The following FERRY3 variants were observed in gnomAD, a reference collection of about 807,000 sequenced individuals.
FERRY3 encodes protein C12orf4.
the FERRY3 span, among the ~76,000 whole-genome samples, chr12:4,537,453 C>A: frequency 6.6e-6 from 1 of 151,984 alleles, no homozygotes; most frequent in Non-Finnish European, 1.5e-5. Flanking sequence ...CAGGATGTTG[C>A]GAATGGCAAG....
the FERRY3 span, among the ~76,000 whole-genome samples, chr12:4,513,782 A>G: frequency 6.6e-6 from 1 of 152,208 alleles, no homozygotes. Context: ...ACCTAAAACC[A>G]TAAAAACCCT....
chr12:4,525,264 T>A, the FERRY3 span: 1 of 1,613,322 alleles, frequency 6.2e-7, no homozygotes, highest in Non-Finnish European at 8.5e-7. Context: ...CTAAGGGAGC[T>A]GTTGTTGGGG....
At chr12:4,520,727 T>C in the FERRY3 span, among the ~76,000 whole-genome samples, 1 of 152,182 alleles carries the variant, frequency 6.6e-6, no homozygotes, top group Non-Finnish European at 1.5e-5. Context: ...CAAGAACTTA[T>C]TTGTGTAACC....
At chr12:4,526,286 T>TCC in the FERRY3 span, among the ~76,000 whole-genome samples, 3 of 152,176 alleles carry the variant, frequency 2.0e-5, no homozygotes, top group African/African-American at 7.2e-5. Flanking sequence ...TTTCTTGATC[T>TCC]GGGCAATGGT....
the FERRY3 span, among the ~76,000 whole-genome samples, chr12:4,493,119 C>T: frequency 6.6e-6 from 1 of 152,134 alleles, no homozygotes; most frequent in African/African-American, 2.4e-5. Flanking sequence ...TACAGTATTT[C>T]CTATTTTTCC....
chr12:4,537,432 C>T, the FERRY3 span, among the ~76,000 whole-genome samples: 1 of 152,100 alleles, frequency 6.6e-6, no homozygotes, highest in Admixed American at 6.6e-5. Flanking sequence ...TCTTGTATTC[C>T]ATGTATTAGG....
At chr12:4,525,067 C>T in the FERRY3 span, 1 of 623,010 alleles carries the variant, frequency 1.6e-6, no homozygotes, top group Non-Finnish European at 2.6e-6. Context: ...AACCAATAAC[C>T]ATTGCCCCCC....
the FERRY3 span, among the ~76,000 whole-genome samples, chr12:4,496,585 AAAG>A: frequency 2.0e-5 from 3 of 151,300 alleles, no homozygotes; most frequent in East Asian, 1.9e-4. Flanking sequence ...TGACATGTGC[AAAG>A]AAGATTCTAA....
At chr12:4,518,321 G>A in the FERRY3 span, 93 of 1,400,566 alleles carry the variant, frequency 6.6e-5, no homozygotes, top group African/African-American at 4.8e-4. Context: ...ATAACAAGAT[G>A]CAAATCTCTA....
chr12:4,535,953 C>A, the FERRY3 span: 2 of 1,311,970 alleles, frequency 1.5e-6, no homozygotes, highest in African/African-American at 3.1e-5. The surrounding 1 kb of genome is among the most constrained non-coding windows in gnomAD (Gnocchi z 4.0). Context: ...TAATATGAAA[C>A]TTCCAATGAC....
the FERRY3 span, chr12:4,517,957 T>G: frequency 4.1e-6 from 4 of 983,600 alleles, no homozygotes. Flanking sequence ...GATGTCAAGG[T>G]GATTAAAATT....
At chr12:4,518,117 A>G in the FERRY3 span, 1 of 1,614,008 alleles carries the variant, frequency 6.2e-7, no homozygotes, top group Non-Finnish European at 8.5e-7. Context: ...CAGGCCACAG[A>G]GAGATGTAGA....
the FERRY3 span, chr12:4,517,214 A>T: frequency 6.6e-7 from 1 of 1,514,784 alleles, no homozygotes; most frequent in Non-Finnish European, 8.8e-7. Context: ...ACATTTACAA[A>T]CTTCTAAATG....
At chr12:4,500,722 G>C in the FERRY3 span, among the ~76,000 whole-genome samples, 1 of 152,088 alleles carries the variant, frequency 6.6e-6, no homozygotes, top group Admixed American at 6.6e-5. Context: ...GCACCATCTT[G>C]GCTCACTGCA....
chr12:4,535,731 A>G, the FERRY3 span, among the ~76,000 whole-genome samples: 18 of 152,370 alleles, frequency 1.2e-4, no homozygotes, highest in South Asian at 1.7e-3. This position sits in a 1 kb window ranked among gnomAD's most constrained non-coding sequence, Gnocchi z 4.0. Context: ...AAACTGCCTT[A>G]TAACTTCACC....
At chr12:4,505,872 A>C in the FERRY3 span, among the ~76,000 whole-genome samples, 2 of 152,302 alleles carry the variant, frequency 1.3e-5, no homozygotes, top group Middle Eastern at 3.4e-3. Context: ...CAGGGCTACA[A>C]ATAAATGGCT....
chr12:4,497,053 C>T, the FERRY3 span, among the ~76,000 whole-genome samples: 1 of 152,152 alleles, frequency 6.6e-6, no homozygotes, highest in Non-Finnish European at 1.5e-5. Context: ...CAAGCTAATT[C>T]TCAACAGAAA....
chr12:4,534,553 G>A, the FERRY3 span, among the ~76,000 whole-genome samples: 1 of 152,078 alleles, frequency 6.6e-6, no homozygotes, highest in African/African-American at 2.4e-5. Flanking sequence ...ACAGGTGCAT[G>A]CCACCATGCA....
chr12:4,530,070 C>G, the FERRY3 span: 1 of 1,586,322 alleles, frequency 6.3e-7, no homozygotes, highest in Non-Finnish European at 8.5e-7. Flanking sequence ...AATATACAGA[C>G]AATCTTAAAT....
Sources: gnomAD v4.1 joint callset for allele counts (sites outside exome capture counted in the v4.1 genomes callset) on GRCh38, gnomAD v4.1.1 for gene constraint, Gnocchi (gnomAD v3.1) non-coding constraint, MANE v1.5 for transcripts, NCBI Gene and HGNC (gene_info 2026-07-23, HGNC 2026-07-21) for gene names.